DNAI1: variants seen among roughly 807,000 people sequenced by gnomAD.
The protein encoded by DNAI1 is dynein, axonemal, intermediate polypeptide 1.
DNAI1 carries 67 observed loss-of-function variants against 92.0 expected under a neutral mutation model. The observed-to-expected ratio is 0.73, with a 90% CI of 0.60 to 0.89. The LOEUF (loss-of-function observed/expected upper bound fraction) is 0.89. Among genes scored for constraint, DNAI1 ranks in the 40% least tolerant of loss-of-function variants. The pLI is 0.00. For missense variants in DNAI1, 839 were observed against 866.6 expected (o/e 0.97, Z 0.40); for synonymous variants, 323 against 319.6 (o/e 1.01, Z -0.11).
At chr9:34,459,510 A>G (rs968236665) in intron 1 of DNAI1, among the ~76,000 whole-genome samples, 16 of 147,098 alleles carry the variant, frequency 1.1e-4, no homozygotes, top group Non-Finnish European at 2.2e-4. Context: ...CAGTGGCGCC[A>G]TCTCAGCTCT....
intron 10 of DNAI1, among the ~76,000 whole-genome samples, chr9:34,498,836 C>T (rs1240910846): frequency 6.6e-6 from 1 of 152,172 alleles, no homozygotes; most frequent in Non-Finnish European, 1.5e-5. Flanking sequence ...AACAAGCCCC[C>T]TCATTATCAT....
At chr9:34,514,786 G>A (rs1587092474) in intron 18 of DNAI1, 47 bp downstream of exon 18, 5 of 1,593,862 alleles carry the variant, frequency 3.1e-6, no homozygotes, top group Middle Eastern at 1.7e-4. Flanking sequence ...TGGAGATCAG[G>A]TGTGTTATCT....
intron 1 of DNAI1, among the ~76,000 whole-genome samples, chr9:34,470,484 C>T (rs997075637): frequency 2.0e-5 from 3 of 152,094 alleles, no homozygotes; most frequent in Non-Finnish European, 4.4e-5. Flanking sequence ...AAGTAGTCTT[C>T]AAGACAGGAA....
At chr9:34,507,512 T>C (rs558910446) in intron 13 of DNAI1, among the ~76,000 whole-genome samples, 7 of 152,130 alleles carry the variant, frequency 4.6e-5, no homozygotes, top group South Asian at 2.1e-4. Context: ...CATCTTCACA[T>C]TGAGGAGGCT....
chr9:34,510,876 C>T (rs1036922365), intron 13 of DNAI1, among the ~76,000 whole-genome samples: 6 of 152,150 alleles, frequency 3.9e-5, no homozygotes, highest in African/African-American at 7.2e-5. Flanking sequence ...GGCTCTGTGG[C>T]GCTCTCAGTC....
At chr9:34,481,987 C>T (rs534530413) in intron 1 of DNAI1, among the ~76,000 whole-genome samples, 17 of 152,268 alleles carry the variant, frequency 1.1e-4, no homozygotes, top group African/African-American at 2.9e-4. Flanking sequence ...TTGGTAGAGC[C>T]GAGTGGCCTG....
At chr9:34,516,998 C>T (rs948610522) in intron 18 of DNAI1, among the ~76,000 whole-genome samples, 5 of 152,238 alleles carry the variant, frequency 3.3e-5, no homozygotes, top group Admixed American at 6.5e-5. Flanking sequence ...ACCTTGGCCT[C>T]CCAAAGTGCT....
intron 4 of DNAI1, chr9:34,489,100 C>T: frequency 1.9e-6 from 1 of 514,488 alleles, no homozygotes; most frequent in Non-Finnish European, 3.4e-6. Flanking sequence ...TAAAATAAAT[C>T]CTTGATGATA....
Position 34,489,340 on chromosome 9 carries a change from TA to T in DNAI1, c.280del (p.Ile94LeufsTer4). 1 of 1,614,076 alleles carries T rather than the reference TA, an allele frequency of 6.2e-7. No homozygotes were observed. The highest frequency in any genetic ancestry group is 1.1e-5 in the South Asian group (1 of 91,084). On this transcript the variant is annotated frameshift_variant, in exon 5 of 20. Coordinates refer to ENST00000242317, the MANE Select transcript of DNAI1 (RefSeq NM_012144.4). LOFTEE classifies it high-confidence loss of function. Reference sequence around the variant, plus strand: ...CTTCTTAGGAAGGCACATATAAGCCTATTGGCTTTGTGAACCAACTGGCAGT... The same window carrying T: ...CTTCTTAGGAAGGCACATATAAGCCTTTGGCTTTGTGAACCAACTGGCAGT... ...YSFKEGTYKP[I>X]GFVNQLAVHY...
intron 3 of DNAI1, 68 bp downstream of exon 3, chr9:34,485,308 G>A: frequency 2.5e-6 from 4 of 1,605,456 alleles, no homozygotes; most frequent in Non-Finnish European, 3.4e-6. Flanking sequence ...TTCTTCCATA[G>A]TACATGATTA....
chr9:34,510,478 T>C (rs2132079832), intron 13 of DNAI1, among the ~76,000 whole-genome samples: 1 of 152,206 alleles, frequency 6.6e-6, no homozygotes, highest in African/African-American at 2.4e-5. Context: ...GTGAAGCAGG[T>C]TCCAGCTCCT....
intron 9 of DNAI1, among the ~76,000 whole-genome samples, chr9:34,495,007 AAACTC>A (rs1289852411): frequency 1.3e-5 from 2 of 152,224 alleles, no homozygotes; most frequent in Non-Finnish European, 2.9e-5. Flanking sequence ...TGTGGGTAGA[AAACTC>A]AAATGTGCTG....
chr9:34,467,293 T>C (rs1043444630), intron 1 of DNAI1, among the ~76,000 whole-genome samples: 3 of 152,132 alleles, frequency 2.0e-5, no homozygotes. Context: ...ATTTCTGCAA[T>C]GAATTTTAAA....
At chr9:34,504,003 A>G (rs1049660469) in intron 12 of DNAI1, among the ~76,000 whole-genome samples, 1 of 152,216 alleles carries the variant, frequency 6.6e-6, no homozygotes, top group Admixed American at 6.5e-5. Context: ...TAGCAGGGAA[A>G]CAGGGACTTC....
rs2132055908 is a variant in DNAI1 at position 34,483,477 on chromosome 9, G to A, written c.78G>A (p.Lys26=). 1 of 1,612,288 alleles carries A rather than the reference G, an allele frequency of 6.2e-7. No individual in the cohort carries two copies. ...TCAGCATAGGCAGAGGAACCAGGAA[G>A]AGAGTAAGTGCTGAGACTACCATGG... ...QSISIGRGTR[K]RDEDSGTEVG... is the part of the protein sequence containing the mutation. The change falls in exon 2 of 20, where the codon AAG becomes AAA. Residue 26 remains lysine, a synonymous_variant. Transcript: ENST00000242317.
intron 1 of DNAI1, among the ~76,000 whole-genome samples, chr9:34,475,529 A>G (rs1250759025): frequency 6.6e-6 from 1 of 152,180 alleles, no homozygotes; most frequent in Non-Finnish European, 1.5e-5. Flanking sequence ...TGGGAAGGTA[A>G]TGCTGTCAGG....
At chr9:34,491,991 G>A (rs1824610235) in intron 8 of DNAI1, among the ~76,000 whole-genome samples, 1 of 152,084 alleles carries the variant, frequency 6.6e-6, no homozygotes. Context: ...CTCCTGGATG[G>A]CCACACTTAT....
chr9:34,513,017 G>T, intron 15 of DNAI1, 95 bp from the exon 16 acceptor site: 1 of 989,752 alleles, frequency 1.0e-6, no homozygotes. Context: ...CCTGCGCTGA[G>T]AGTGCCTGGG....
At chr9:34,507,039 AT>A (rs1314844214) in intron 13 of DNAI1, among the ~76,000 whole-genome samples, 165 bp downstream of exon 13, 1 of 152,188 alleles carries the variant, frequency 6.6e-6, no homozygotes, top group Non-Finnish European at 1.5e-5. Context: ...GAAGGTGAAA[AT>A]CAGGAGGCAA....
Sources: allele counts gnomAD v4.1 joint callset (sites outside exome capture counted in the v4.1 genomes callset), GRCh38; gene constraint gnomAD v4.1.1; transcripts MANE v1.5; gene names NCBI Gene and HGNC (gene_info 2026-07-23, HGNC 2026-07-21).